PCDH7: variants seen among roughly 807,000 people sequenced by gnomAD.
The protein encoded by PCDH7 is protocadherin 7.
PCDH7 carries 17 observed loss-of-function variants against 58.9 expected under a neutral mutation model. The ratio of observed to expected loss-of-function variants is 0.29; its 90% confidence interval spans 0.20 to 0.43. The LOEUF is 0.43. Ranked by LOEUF, PCDH7 falls within the 20% of genes least tolerant of loss-of-function variation. PCDH7 has a pLI of 1.00. For synonymous variants in PCDH7, 664 were observed against 616.4 expected, an observed-to-expected ratio of 1.08 and a Z score of -1.14; for missense variants, 1,274 against 1,441.0, an observed-to-expected ratio of 0.88 and a Z score of 1.88.
intron 1 of PCDH7, among the ~76,000 whole-genome samples, chr4:30,834,942 CAT>C (rs1259836583): frequency 4.0e-5 from 6 of 151,126 alleles, no homozygotes; most frequent in Non-Finnish European, 7.4e-5. Flanking sequence ...CACACACACA[CAT>C]ATATATTCAT....
chr4:30,841,943 G>A (rs1204555490), intron 1 of PCDH7, among the ~76,000 whole-genome samples: 2 of 151,968 alleles, frequency 1.3e-5, no homozygotes, highest in Non-Finnish European at 2.9e-5. Context: ...ACTAGAATAG[G>A]TGTCAGCAGG....
At chr4:31,002,536 G>A (rs1752436937) in intron 3 of PCDH7, among the ~76,000 whole-genome samples, 2 of 152,276 alleles carry the variant, frequency 1.3e-5, no homozygotes, top group South Asian at 2.1e-4. Flanking sequence ...AACAAAATTA[G>A]TTTCTGGTGC....
intron 3 of PCDH7, among the ~76,000 whole-genome samples, chr4:31,111,304 ATTT>A (rs201052911): frequency 0.48 from 68,599 of 142,076 alleles, 17,362 homozygotes; most frequent in East Asian, 0.77. Flanking sequence ...ATTTGTTACA[ATTT>A]TTTTTTTTTT....
chr4:30,722,742 C>T lies in PCDH7; in HGVS notation c.1320C>T (p.Thr440=). 6.2e-7 allele frequency: 1 copy of T among 1,613,486 alleles called. No homozygotes were observed. Among genetic ancestry groups the T allele is most frequent in the Non-Finnish European group, 8.5e-7 (1 of 1,180,008 alleles). Residue 440 remains threonine (T), a synonymous_variant, in exon 1 of 2, where the codon ACC becomes ACT. Coordinates refer to ENST00000361762, the Ensembl canonical transcript of PCDH7. The surrounding 1 kb of genome is among the most constrained non-coding windows in gnomAD (Gnocchi z 7.6). ...TGGCCGAGGACGTTCTGGTCGACACCCCCATCGCTCTGGTGCAGGTGTCCG... is the reference window on the plus strand; with the variant it reads ...TGGCCGAGGACGTTCTGGTCGACACTCCCATCGCTCTGGTGCAGGTGTCCG...
intron 3 of PCDH7, among the ~76,000 whole-genome samples, chr4:31,019,945 A>G (rs749110327): frequency 1.3e-5 from 2 of 151,954 alleles, no homozygotes; most frequent in Non-Finnish European, 2.9e-5. Flanking sequence ...TTACAAGCAG[A>G]AGTAAAATGT....
At chr4:30,733,787 AT>A (rs1659421152), downstream of PCDH7, among the ~76,000 whole-genome samples, 1 of 152,232 alleles carries the variant, frequency 6.6e-6, no homozygotes, top group African/African-American at 2.4e-5. Context: ...GTGAAAAAAA[AT>A]ATTCAGTCAT....
rs539621367 is a variant in PCDH7 at position 30,975,919 on chromosome 4, C to A, written c.*7+25704C>A. Among the ~76,000 whole-genome samples, 375 of 152,260 alleles carry A rather than the reference C, an allele frequency of 2.5e-3. 2 individuals are homozygous for A. The highest frequency in any genetic ancestry group is 6.8e-3 in the Middle Eastern group (2 of 294). On this transcript the variant is annotated intron_variant, in intron 3 of 3. Coordinates refer to the PCDH7 transcript ENST00000509759. ...GCATTTCCATTATGTCCTTCAATATCTTTCAGCTCTAGTAAATCCTTGCCT... is the reference window on the plus strand; with the variant it reads ...GCATTTCCATTATGTCCTTCAATATATTTCAGCTCTAGTAAATCCTTGCCT...
intron 3 of PCDH7, among the ~76,000 whole-genome samples, chr4:31,095,474 T>C (rs1212408266): frequency 6.6e-6 from 1 of 152,212 alleles, no homozygotes; most frequent in Non-Finnish European, 1.5e-5. Context: ...CAGACATCTG[T>C]ACTTGTTCTA....
chr4:30,832,717 G>A (rs1577977184), intron 1 of PCDH7, among the ~76,000 whole-genome samples: 1 of 152,074 alleles, frequency 6.6e-6, no homozygotes, highest in African/African-American at 2.4e-5. Context: ...AACTTTGATG[G>A]TCCTGTCATG....
At chr4:30,875,361 C>G (rs574014985) in intron 1 of PCDH7, among the ~76,000 whole-genome samples, 1 of 152,154 alleles carries the variant, frequency 6.6e-6, no homozygotes, top group African/African-American at 2.4e-5. Context: ...TGAACAGACC[C>G]TATCTCCAAA....
At chr4:30,911,458 T>C (rs1741759865) in intron 1 of PCDH7, among the ~76,000 whole-genome samples, 1 of 151,972 alleles carries the variant, frequency 6.6e-6, no homozygotes, top group Non-Finnish European at 1.5e-5. Flanking sequence ...ACCTAAAATA[T>C]TTACTTTCTG....
intron 3 of PCDH7, among the ~76,000 whole-genome samples, chr4:31,034,583 G>A (rs1379111336): frequency 1.3e-5 from 2 of 152,146 alleles, no homozygotes; most frequent in East Asian, 1.9e-4. Context: ...TTTAGAAATT[G>A]CTACTTTAAT....
intron 2 of PCDH7, among the ~76,000 whole-genome samples, chr4:30,948,371 G>A (rs970884333): frequency 8.6e-5 from 13 of 150,984 alleles, no homozygotes; most frequent in Non-Finnish European, 1.5e-5. Flanking sequence ...CTCCTTTTTG[G>A]TTTTTGGCTT....
chr4:31,069,713 T>A (rs955740436), intron 3 of PCDH7, among the ~76,000 whole-genome samples: 1 of 152,028 alleles, frequency 6.6e-6, no homozygotes, highest in African/African-American at 2.4e-5. Context: ...AAATTTTTCT[T>A]ATTAGACCAC....
At chr4:30,970,451 C>A (rs61792872) in intron 3 of PCDH7, among the ~76,000 whole-genome samples, 1 of 147,670 alleles carries the variant, frequency 6.8e-6, no homozygotes, top group African/African-American at 2.6e-5. Flanking sequence ...CCCACCACCA[C>A]GCCTGGCTAA....
intron 1 of PCDH7, among the ~76,000 whole-genome samples, chr4:30,749,178 A>G (rs1718164589): frequency 6.6e-6 from 1 of 152,240 alleles, no homozygotes; most frequent in African/African-American, 2.4e-5. Flanking sequence ...AAGAAAAAGT[A>G]AAAGAGAAAT....
At chr4:30,857,696 G>A (rs1453631143) in intron 1 of PCDH7, among the ~76,000 whole-genome samples, 1 of 152,058 alleles carries the variant, frequency 6.6e-6, no homozygotes, top group Non-Finnish European at 1.5e-5. Context: ...TTCATTAAGT[G>A]TGTTTTCCTC....
rs1002327807 is a variant in PCDH7 at position 30,891,779 on chromosome 4, T to G, written c.71-28374T>G. ...CTCTGAGGGTTGTTTTTTTGTTTTT[T>G]TTTTTTCTCTGTTAAGAGTTAAACT... On this transcript the variant is annotated intron_variant, in intron 1 of 3. Transcript: ENST00000509759. 6.4e-5 allele frequency among the ~76,000 whole-genome samples: 9 copies of G among 141,620 alleles called. No homozygotes were observed. In the Admixed American group the frequency reaches 6.6e-4, roughly 10 times the overall value. 92.9% of individuals were successfully genotyped at this position (141,620 alleles called of 152,430 possible).
Position 30,722,955 on chromosome 4 carries a change from C to A in PCDH7, c.1533C>A (p.Gly511=), listed in dbSNP as rs1560296157. 1.9e-6 allele frequency: 3 copies of A among 1,613,506 alleles called. No individual in the cohort carries two copies. Among genetic ancestry groups the A allele is most frequent in the East Asian group, 4.5e-5 (2 of 44,874 alleles). ...TGGTCATCGTGGCGGTGGACTCAGG[C>A]AGCCCCAGCCTCTCGAGCAACAACT... Residue 511 remains glycine, a synonymous_variant, in exon 1 of 2, where the codon GGC becomes GGA. Coordinates refer to ENST00000361762, the Ensembl canonical transcript of PCDH7. This position sits in a 1 kb window ranked among gnomAD's most constrained non-coding sequence, Gnocchi z 7.6.
Sources: gnomAD v4.1 joint callset for allele counts (sites outside exome capture counted in the v4.1 genomes callset) on GRCh38, gnomAD v4.1.1 for gene constraint, Gnocchi (gnomAD v3.1) non-coding constraint, MANE v1.5 for transcripts, NCBI Gene and HGNC (gene_info 2026-07-23, HGNC 2026-07-21) for gene names.